The following NCAPH2 variants were observed in gnomAD, a reference collection of about 807,000 sequenced individuals.
The protein encoded by NCAPH2 is condensin-2 complex subunit H2.
In NCAPH2, 56 loss-of-function variants were observed where a neutral mutation model predicts 88.6. That is an observed-to-expected ratio of 0.63 (90% CI 0.51 to 0.79). The LOEUF (loss-of-function observed/expected upper bound fraction) is 0.79. NCAPH2 is among the 30% of genes least tolerant of loss of function. NCAPH2 has a pLI of 0.00. For missense variants in NCAPH2, 794 were observed against 792.0 expected (o/e 1.00, Z -0.03); for synonymous variants, 378 against 313.6 (o/e 1.21, Z -2.17).
rs1431087749 is a variant in NCAPH2, at chr22:50,523,946, C to G, written c.*571C>G. On this transcript the variant is annotated 3_prime_UTR_variant, in exon 20 of 20. Transcript: ENST00000420993. ...AAGACAGGCTGCACTGGAGGCAAACCAGGCTCTGCTTCCAGCTGCCGCACC... is the reference window on the plus strand; with the variant it reads ...AAGACAGGCTGCACTGGAGGCAAACGAGGCTCTGCTTCCAGCTGCCGCACC... 1.2e-6 allele frequency: 2 copies of G among 1,612,396 alleles called. No homozygotes were observed. The highest frequency in any genetic ancestry group is 3.3e-5 in the Admixed American group (2 of 59,996).
At position 50,522,175 on chromosome 22, in the gene NCAPH2, C is replaced by T; in HGVS notation, c.1163-6C>T. On this transcript the variant is annotated splice_region_variant and splice_polypyrimidine_tract_variant and intron_variant, in intron 13 of 19. Coordinates refer to ENST00000420993, the MANE Select transcript of NCAPH2 (RefSeq NM_152299.4). ...GAGGGAGCCCTCACAAGGCCTTTGT[C>T]TGCAGACATGGAGGTCCTGTACTGG... 2 of 1,612,822 alleles carry T rather than the reference C, an allele frequency of 1.2e-6. No homozygotes were observed. Among genetic ancestry groups the T allele is most frequent in the South Asian group, 2.2e-5 (2 of 90,918 alleles).
chr22:50,518,342 T>C, intron 7 of NCAPH2, 64 bp downstream of exon 7: 1 of 1,577,246 alleles, frequency 6.3e-7, no homozygotes, highest in Non-Finnish European at 8.6e-7. Flanking sequence ...TGGACTCTTG[T>C]GGGGTGCCCT....
chr22:50,519,533 G>A (rs1440585994), intron 9 of NCAPH2: 4 of 1,394,282 alleles, frequency 2.9e-6, no homozygotes, highest in Admixed American at 3.1e-5. Flanking sequence ...CAGAACTGAT[G>A]CTCCTCAGAG....
At position 50,518,013 on chromosome 22, in the gene NCAPH2, C is replaced by T. The variant is rs1452561037; in HGVS notation, c.461C>T (p.Ala154Val). The change falls in exon 6 of 20, where the codon GCC (alanine) becomes GTC (valine). Residue 154 changes from alanine (A) to valine (V), a missense_variant. Physicochemically the swap from Ala to Val is moderately conservative, Grantham distance 64. Coordinates refer to ENST00000420993, the MANE Select transcript of NCAPH2 (RefSeq NM_152299.4). ...CCCCTCCTGCCCATGGCCCTGGTGGCCCCTGATGAAATGGAGAAGAACAAC... is the reference window on the plus strand; with the variant it reads ...CCCCTCCTGCCCATGGCCCTGGTGGTCCCTGATGAAATGGAGAAGAACAAC... The part of the protein sequence containing the change: ...IIPLLPMALV[A>V]PDEMEKNNNP... The T allele has an allele frequency of 6.2e-7, 1 of 1,613,896 alleles. No homozygotes were observed. The highest frequency in any genetic ancestry group is 8.5e-7 in the Non-Finnish European group (1 of 1,180,000).
chr22:50,517,312 A>G (rs976187762), intron 2 of NCAPH2, 115 bp from the exon 3 acceptor site: 19 of 1,037,540 alleles, frequency 1.8e-5, no homozygotes, highest in Non-Finnish European at 2.9e-5. Context: ...GGTTTCTTGT[A>G]CTGGAGGTTT....
intron 1 of NCAPH2, 37 bp downstream of exon 1, chr22:50,508,482 C>CCGGGG: frequency 5.3e-5 from 7 of 131,298 alleles, no homozygotes; most frequent in East Asian, 1.4e-4. Context: ...GGTGGGCCGG[C>CCGGGG]GGGTGGGGCT....
rs2069256342 is a variant in NCAPH2 at position 50,524,699 on chromosome 22, G to A, written c.*1324G>A. 3 of 647,506 alleles carry A rather than the reference G, an allele frequency of 4.6e-6. No individual in the cohort carries two copies. Among genetic ancestry groups the A allele is most frequent in the Admixed American group, 2.1e-5 (1 of 47,770 alleles). 40.1% of individuals were successfully genotyped at this position (647,506 alleles called of 1,614,324 possible). A position where few individuals can be genotyped will look rare whatever the true frequency, so the allele number is the denominator to read the frequency against. ...TGCACCTCAGCAAGGTGAACCTCTTGCTGACGGAAAGCATTCCAAGTGCAT... is the reference window on the plus strand; with the variant it reads ...TGCACCTCAGCAAGGTGAACCTCTTACTGACGGAAAGCATTCCAAGTGCAT... On this transcript the variant is annotated 3_prime_UTR_variant, in exon 20 of 20. Transcript: ENST00000420993.
At position 50,521,772 on chromosome 22, in the gene NCAPH2, G is replaced by A; in HGVS notation, c.1032G>A (p.Glu344=). The A allele has an allele frequency of 6.2e-7, 1 of 1,613,976 alleles. No individual in the cohort carries two copies. ...CTTACTCTGTGCCCCCCTGTGTGGA[G>A]GAGGCTCTGGGACAGAAGCGCAAGA... The part of the protein sequence containing the change: ...GRPYSVPPCV[E]EALGQKRKRK... The change falls in exon 12 of 20, where the codon GAG becomes GAA. Residue 344 remains glutamate (E), a synonymous_variant. Coordinates refer to ENST00000420993, the MANE Select transcript of NCAPH2 (RefSeq NM_152299.4).
chr22:50,509,414 C>T (rs2068724909), intron 1 of NCAPH2, among the ~76,000 whole-genome samples: 1 of 152,182 alleles, frequency 6.6e-6, no homozygotes, highest in Non-Finnish European at 1.5e-5. Context: ...CTTTTCCCAT[C>T]TCGGAAAATG....
At chr22:50,514,841 A>T (rs1011498127) in intron 1 of NCAPH2, among the ~76,000 whole-genome samples, 4 of 151,270 alleles carry the variant, frequency 2.6e-5, no homozygotes, top group African/African-American at 7.3e-5. Context: ...AGCCTCTGCC[A>T]CTCCTTCGTG....
At chr22:50,508,819 T>G (rs924693420) in intron 1 of NCAPH2, among the ~76,000 whole-genome samples, 7 of 152,240 alleles carry the variant, frequency 4.6e-5, no homozygotes, top group African/African-American at 1.7e-4. Context: ...TCAGAGGAAT[T>G]TTTTATCTTG....
At chr22:50,518,773 AAG>A (rs956089065) in intron 8 of NCAPH2, 41 bp downstream of exon 8, 4 of 1,555,508 alleles carry the variant, frequency 2.6e-6, no homozygotes, top group East Asian at 2.3e-5. Flanking sequence ...AGGGCAGCCA[AAG>A]AGGGGACCAG....
chr22:50,517,602 C>A lies in NCAPH2; in HGVS notation c.292C>A (p.Gln98Lys). Residue 98 changes from glutamine to lysine, a missense_variant, in exon 4 of 20, where the codon CAG (glutamine) becomes AAG (lysine). Around this residue, in one of 2 missense-constraint regions of NCAPH2, gnomAD observed 735 missense variants for 696.3 expected, o/e 1.06. Coordinates refer to ENST00000420993, the MANE Select transcript of NCAPH2 (RefSeq NM_152299.4). ...GCGGGCCAAGCAGCTCTCTTCGGTG[C>A]AGGAGGACAGGGCCAATGGGGTTGC... ...KRRAKQLSSV[Q>K]EDRANGVASS... 2.5e-6 allele frequency: 4 copies of A among 1,614,124 alleles called. No individual in the cohort carries two copies. The highest frequency in any genetic ancestry group is 3.4e-6 in the Non-Finnish European group (4 of 1,180,038).
chr22:50,521,424 G>T (rs1416771629), intron 10 of NCAPH2, 119 bp from the exon 11 acceptor site: 3 of 1,028,416 alleles, frequency 2.9e-6, no homozygotes, highest in East Asian at 2.4e-5. Flanking sequence ...TCCTTTGGGA[G>T]CGCGGCTGTG....
At position 50,517,772 on chromosome 22, in the gene NCAPH2, G is replaced by C. The variant is rs147027738; in HGVS notation, c.383G>C (p.Arg128Pro). ...FLSLDDFPDSRTNVDLKNDQT... is the reference protein window; with the variant it reads ...FLSLDDFPDSPTNVDLKNDQT... ...TCGCTGGATGACTTCCCTGACTCCC[G>C]GACTAACGTGGATCTCAAGAATGAT... Residue 128 changes from arginine to proline, a missense_variant, in exon 5 of 20, where the codon CGG (arginine) becomes CCG (proline). By Grantham distance (103) the Arg-to-Pro change is moderately radical. Transcript: ENST00000420993. The C allele has an allele frequency of 4.3e-6, 7 of 1,613,808 alleles. No homozygotes were observed. Among genetic ancestry groups the C allele is most frequent in the Non-Finnish European group, 5.9e-6 (7 of 1,180,034 alleles).
At chr22:50,518,876 C>T in intron 8 of NCAPH2, 144 bp downstream of exon 8, 2 of 881,504 alleles carry the variant, frequency 2.3e-6, no homozygotes. Context: ...TGAGGCCTCG[C>T]CCCGGGGAAG....
At chr22:50,521,670 G>C in intron 11 of NCAPH2, 61 bp downstream of exon 11, 1 of 1,609,864 alleles carries the variant, frequency 6.2e-7, no homozygotes, top group Non-Finnish European at 8.5e-7. Context: ...GGGGCATGAG[G>C]TGGGGGGGTG....
intron 1 of NCAPH2, among the ~76,000 whole-genome samples, chr22:50,512,858 A>G (rs1014402573): frequency 3.3e-5 from 5 of 152,122 alleles, no homozygotes; most frequent in African/African-American, 1.2e-4. Flanking sequence ...ATGTTCTTCT[A>G]GTACTGTCAT....
At position 50,522,487 on chromosome 22, in the gene NCAPH2, C is replaced by T. The variant is rs1318389487; in HGVS notation, c.1307-14C>T. 12 of 1,613,574 alleles carry T rather than the reference C, an allele frequency of 7.4e-6. No homozygotes were observed. Among genetic ancestry groups the T allele is most frequent in the Admixed American group, 1.7e-5 (1 of 59,996 alleles). On this transcript the variant is annotated splice_polypyrimidine_tract_variant and intron_variant, in intron 15 of 19. Coordinates refer to ENST00000420993, the MANE Select transcript of NCAPH2 (RefSeq NM_152299.4). The stretch of plus-strand genomic sequence containing the variant: ...AGCTGCCTGCGTGCTGTTCACTCTC[C>T]CACCTCCCAGCAGATGACTTTCTAG...
Sources: gnomAD v4.1 joint callset for allele counts (sites outside exome capture counted in the v4.1 genomes callset) on GRCh38, gnomAD v4.1.1 for gene constraint, gnomAD v4.1.1 regional missense constraint, MANE v1.5 for transcripts, NCBI Gene and HGNC (gene_info 2026-07-23, HGNC 2026-07-21) for gene names.